The following ZWINT variants were observed in gnomAD, a reference collection of about 807,000 sequenced individuals.
The protein encoded by ZWINT is outer kinetochore KNL1 complex subunit ZWINT.
A neutral mutation model predicts 41.5 loss-of-function variants in ZWINT; 41 were observed. That is an observed-to-expected ratio of 0.99 (90% CI 0.77 to 1.28). The LOEUF (loss-of-function observed/expected upper bound fraction) is 1.28. Ranked by LOEUF, ZWINT falls within the 50% of genes most tolerant of loss-of-function variation. ZWINT has a pLI of 0.00. For missense variants in ZWINT, 369 were observed against 329.7 expected (o/e 1.12, Z -0.92); for synonymous variants, 132 against 126.8 (o/e 1.04, Z -0.28).
chr10:56,357,687 T>C lies in ZWINT; in HGVS notation c.*540A>G, dbSNP rs1050912778. On this transcript the variant is annotated 3_prime_UTR_variant, in exon 9 of 9. Transcript: ENST00000373944. ...ACATCTGAAACCAGTGATCGAGAAA[T>C]GTTTTAGATAAGGCACAAAAAGATA... 3.8e-5 allele frequency: 7 copies of C among 184,282 alleles called. No individual in the cohort carries two copies. Among genetic ancestry groups the C allele is most frequent in the South Asian group, 2.0e-4 (2 of 9,898 alleles). 11.4% of individuals were successfully genotyped at this position (184,282 alleles called of 1,614,324 possible). A position where few individuals can be genotyped will look rare whatever the true frequency, so the allele number is the denominator to read the frequency against.
intron 1 of ZWINT, among the ~76,000 whole-genome samples, 175 bp downstream of exon 1, chr10:56,361,021 T>A (rs1236175304): frequency 6.6e-6 from 1 of 152,076 alleles, no homozygotes; most frequent in East Asian, 1.9e-4. Flanking sequence ...GCTGTACTCC[T>A]GGAGCAGGCA....
intron 1 of ZWINT, among the ~76,000 whole-genome samples, chr10:56,360,760 G>A (rs1262230185): frequency 6.6e-6 from 1 of 152,182 alleles, no homozygotes; most frequent in African/African-American, 2.4e-5. Flanking sequence ...CCCTCCTGGC[G>A]CTGAGCACCA....
chr10:56,359,397 C>T (rs1044437674), intron 5 of ZWINT, 79 bp downstream of exon 5: 44 of 1,386,530 alleles, frequency 3.2e-5, no homozygotes, highest in African/African-American at 1.4e-5. Context: ...GGAAGCAAAA[C>T]GGTTTTCTAG....
In ZWINT at chr10:56,361,179, T is replaced by TA. The variant is rs1462578174; in HGVS notation, c.41+16dup. ...CCCAGGCCCGGCCCCAGCTGCCACTTAGCCGCAAACACTTACTCTAGGGCT... is the reference window on the plus strand; with the variant it reads ...CCCAGGCCCGGCCCCAGCTGCCACTTAAGCCGCAAACACTTACTCTAGGGCT... On this transcript the variant is annotated intron_variant, in intron 1 of 8. Coordinates refer to ENST00000373944, the MANE Select transcript of ZWINT (RefSeq NM_007057.4). 3.7e-6 allele frequency: 6 copies of TA among 1,613,086 alleles called. No individual in the cohort carries two copies. In the African/African-American group the frequency reaches 5.3e-5, roughly 14 times the overall value.
rs1491198138 is a variant in ZWINT, at chr10:56,358,670, AG to A, written c.677del (p.Pro226LeufsTer49). The A allele has an allele frequency of 6.2e-7, 1 of 1,613,984 alleles. No individual in the cohort carries two copies. The highest frequency in any genetic ancestry group is 8.5e-7 in the Non-Finnish European group (1 of 1,180,036). On this transcript the variant is annotated frameshift_variant, in exon 7 of 9. Transcript: ENST00000373944. LOFTEE classifies it high-confidence loss of function. ...LYTLQGKLLF[P>X]EAEAEAENLP... ...GATTCTCTGCCTCAGCCTCAGCCTC[AG>A]GGAACAACAGCTTACCCTGCAGGGT... is the stretch of plus-strand genomic sequence containing the variant.
At position 56,360,401 on chromosome 10, in the gene ZWINT, C is replaced by T; in HGVS notation, c.42-18G>A. ...CCAGGACCCTGGAGGGGCAAGGAAA[C>T]ACAGGAAATTGCAGTTTCTTGTGGT... On this transcript the variant is annotated intron_variant, in intron 1 of 8. Coordinates refer to ENST00000373944, the MANE Select transcript of ZWINT (RefSeq NM_007057.4). 1 of 1,610,510 alleles carries T rather than the reference C, an allele frequency of 6.2e-7. No individual in the cohort carries two copies. The highest frequency in any genetic ancestry group is 1.7e-4 in the Middle Eastern group (1 of 6,046).
At position 56,358,466 on chromosome 10, in the gene ZWINT, G is replaced by A. The variant is rs371210210; in HGVS notation, c.793-7C>T. Reference sequence around the variant, plus strand: ...CAGGTTGTAGACCAACAGCCTTGGAGAAATACAGTATAGACAGTGGGTAAG... The same window carrying A: ...CAGGTTGTAGACCAACAGCCTTGGAAAAATACAGTATAGACAGTGGGTAAG... On this transcript the variant is annotated splice_polypyrimidine_tract_variant and splice_region_variant and intron_variant, in intron 7 of 8. Transcript: ENST00000373944. 72 of 1,614,012 alleles carry A rather than the reference G, an allele frequency of 4.5e-5. No individual in the cohort carries two copies. Among genetic ancestry groups the A allele is most frequent in the Non-Finnish European group, 6.0e-5 (71 of 1,180,042 alleles).
rs753971057 is a variant in ZWINT, at chr10:56,360,403, C to T, written c.42-20G>A. Reference sequence around the variant, plus strand: ...AGGACCCTGGAGGGGCAAGGAAACACAGGAAATTGCAGTTTCTTGTGGTGC... The same window carrying T: ...AGGACCCTGGAGGGGCAAGGAAACATAGGAAATTGCAGTTTCTTGTGGTGC... On this transcript the variant is annotated intron_variant, in intron 1 of 8. Transcript: ENST00000373944. 1.4e-5 allele frequency: 23 copies of T among 1,606,244 alleles called. No homozygotes were observed. The East Asian group carries it at 5.1e-4, about 36-fold the overall frequency.
chr10:56,361,084 A>T (rs1375525558), intron 1 of ZWINT, 112 bp downstream of exon 1: 3 of 1,206,998 alleles, frequency 2.5e-6, no homozygotes, highest in Non-Finnish European at 3.5e-6. Flanking sequence ...ACTTCACGGC[A>T]GGGTCGAACC....
rs146299646 is a variant in ZWINT, at chr10:56,358,867, C to G, written c.561G>C (p.Arg187Ser). ...TCAGGTTTCCAAGTTTCTGAAACAC[C>G]CTGTCAAGCTCCTGCTGAGTCCCTG... ...RKTGTQQELD[R>S]VFQKLGNLKQ... Residue 187 changes from arginine (R) to serine (S), a missense_variant, in exon 6 of 9, where the codon AGG (arginine) becomes AGC (serine). Physicochemically the swap from Arg to Ser is moderately radical, Grantham distance 110. Transcript: ENST00000373944. The G allele has an allele frequency of 7.3e-4, 1,183 of 1,614,068 alleles. 8 individuals are homozygous for G. In the African/African-American group the frequency reaches 0.014, roughly 19 times the overall value.
chr10:56,359,886 T>G, intron 3 of ZWINT, 33 bp from the exon 4 acceptor site: 2 of 1,609,870 alleles, frequency 1.2e-6, no homozygotes, highest in Non-Finnish European at 1.7e-6. Flanking sequence ...AGTACATGAG[T>G]GAGGGTGGCC....
At chr10:56,359,918 C>T (rs1273787869) in intron 3 of ZWINT, 65 bp from the exon 4 acceptor site, 2 of 1,606,236 alleles carry the variant, frequency 1.2e-6, no homozygotes, top group Non-Finnish European at 8.5e-7. Context: ...CTCCCTGCAA[C>T]ACTGGGCCTC....
intron 7 of ZWINT, 26 bp downstream of exon 7, chr10:56,358,530 G>A (rs1220874480): frequency 6.2e-7 from 1 of 1,613,826 alleles, no homozygotes; most frequent in African/African-American, 1.3e-5. Context: ...GCCAGCCCAT[G>A]CCCACCTGTT....
At chr10:56,361,141 C>T (rs958720196) in intron 1 of ZWINT, 55 bp downstream of exon 1, 1 of 1,601,980 alleles carries the variant, frequency 6.2e-7, no homozygotes, top group Non-Finnish European at 8.5e-7. Flanking sequence ...CACATAGGGG[C>T]CCACAAGGTC....
Position 56,357,756 on chromosome 10 carries a change from T to C in ZWINT, c.*471A>G, listed in dbSNP as rs1564450502. ...GGCTGTACATCCTAAAACAGTCAGA[T>C]GAGCTCACTGTTATAATTCTGGTTC... On this transcript the variant is annotated 3_prime_UTR_variant, in exon 9 of 9. Transcript: ENST00000373944. The C allele has an allele frequency of 6.6e-6, 2 of 303,994 alleles. No individual in the cohort carries two copies. The highest frequency in any genetic ancestry group is 9.3e-5 in the East Asian group (1 of 10,798). The allele number at this position is 303,994 out of a possible 1,614,324, so 18.8% of individuals were successfully genotyped here.
Position 56,358,412 on chromosome 10 carries a change from AG to A in ZWINT, c.*5del. On this transcript the variant is annotated 3_prime_UTR_variant, in exon 8 of 9. Transcript: ENST00000373944. Reference sequence around the variant, plus strand: ...ATCTTTCTCCATGCTGCTGTCCTCCAGGAAGTCATGGCAAATTTACATCTCC... The same window carrying A: ...ATCTTTCTCCATGCTGCTGTCCTCCAGAAGTCATGGCAAATTTACATCTCC... The A allele has an allele frequency of 6.2e-7, 1 of 1,614,158 alleles. No homozygotes were observed. Among genetic ancestry groups the A allele is most frequent in the Non-Finnish European group, 8.5e-7 (1 of 1,180,016 alleles).
chr10:56,359,866 A>C lies in ZWINT; in HGVS notation c.257-13T>G, dbSNP rs1484631777. The C allele has an allele frequency of 6.2e-7, 1 of 1,613,888 alleles. No homozygotes were observed. Among genetic ancestry groups the C allele is most frequent in the Non-Finnish European group, 8.5e-7 (1 of 1,179,944 alleles). On this transcript the variant is annotated splice_polypyrimidine_tract_variant and intron_variant, in intron 3 of 8. Transcript: ENST00000373944. ...ATTGCCTTCTGTCCTGAGATGAGCCACCAGGAATGAGTACATGAGTGAGGG... is the reference window on the plus strand; with the variant it reads ...ATTGCCTTCTGTCCTGAGATGAGCCCCCAGGAATGAGTACATGAGTGAGGG...
At position 56,358,918 on chromosome 10, in the gene ZWINT, A is replaced by C. The variant is rs777045685; in HGVS notation, c.510T>G (p.Val170=). 3 of 1,614,128 alleles carry C rather than the reference A, an allele frequency of 1.9e-6. No individual in the cohort carries two copies. Among genetic ancestry groups the C allele is most frequent in the Admixed American group, 1.7e-5 (1 of 60,012 alleles). Residue 170 remains valine, a synonymous_variant, in exon 6 of 9, where the codon GTT becomes GTG. Coordinates refer to ENST00000373944, the MANE Select transcript of ZWINT (RefSeq NM_007057.4). ...TCTTACGCTCCCTCACCTCTGCAGA[A>C]ACCTCCGCCAGATGCTGCAGATGCT... is the stretch of plus-strand genomic sequence containing the variant. ...QEKHLQHLAE[V]SAEVRERKTG...
chr10:56,360,610 G>C (rs1232502500), intron 1 of ZWINT, among the ~76,000 whole-genome samples: 1 of 152,200 alleles, frequency 6.6e-6, no homozygotes, highest in Non-Finnish European at 1.5e-5. Flanking sequence ...AAAATCAGCA[G>C]GGCTAGTGGA....
Sources: allele counts gnomAD v4.1 joint callset (sites outside exome capture counted in the v4.1 genomes callset), GRCh38; gene constraint gnomAD v4.1.1; transcripts MANE v1.5; gene names NCBI Gene and HGNC (gene_info 2026-07-23, HGNC 2026-07-21).